The following STIL variants were observed in gnomAD, a reference collection of about 807,000 sequenced individuals.
The protein encoded by STIL is SCL-interrupting locus protein.
Under a neutral mutation model 110.1 loss-of-function variants are expected in STIL, and 55 were observed. The observed-to-expected ratio is 0.50, with a 90% CI of 0.40 to 0.63. The LOEUF is 0.63. Among genes scored for constraint, STIL ranks in the 20% least tolerant of loss-of-function variants. STIL has a pLI of 0.00. For missense variants in STIL, 1,358 were observed against 1,530.0 expected, an observed-to-expected ratio of 0.89 and a Z score of 1.87; for synonymous variants, 481 against 530.0, an observed-to-expected ratio of 0.91 and a Z score of 1.27.
In STIL at chr1:47,312,180, GA is replaced by G. The variant is rs377122328; in HGVS notation, c.-43-1819del. Among the ~76,000 whole-genome samples the G allele has an allele frequency of 6.7e-3, 1,016 of 152,162 alleles. 12 individuals carry two copies. Among genetic ancestry groups the G allele is most frequent in the African/African-American group, 0.022 (933 of 41,510 alleles). On this transcript the variant is annotated intron_variant, in intron 1 of 16. Coordinates refer to ENST00000371877, the MANE Select transcript of STIL (RefSeq NM_001048166.1). The stretch of plus-strand genomic sequence containing the variant: ...GCTCTTATACCTTGTTCAAGACAGA[GA>G]AAAACGTGCTTCTAATAAAATTGAC...
rs755958066 is a variant in STIL at position 47,269,822 on chromosome 1, C to T, written c.2428G>A (p.Asp810Asn). 51 of 1,614,084 alleles carry T rather than the reference C, an allele frequency of 3.2e-5. No homozygotes were observed. The South Asian group carries it at 5.2e-4, about 16-fold the overall frequency. ...GTATCATCTTGCTTCATTTGAGAGTCAGGCTCTTGATCCTCACCTGCTGCA... is the reference window on the plus strand; with the variant it reads ...GTATCATCTTGCTTCATTTGAGAGTTAGGCTCTTGATCCTCACCTGCTGCA... The part of the protein sequence containing the change: ...WNAAGEDQEP[D>N]SQMKQDDTKI... The change falls in exon 14 of 17, where the codon GAC (aspartate) becomes AAC (asparagine). Residue 810 changes from aspartate (D) to asparagine (N), a missense_variant. By Grantham distance (23) the Asp-to-Asn change is conservative (BLOSUM62 1). Transcript: ENST00000371877.
chr1:47,303,054 A>G (rs572543482), intron 3 of STIL, among the ~76,000 whole-genome samples: 2 of 152,322 alleles, frequency 1.3e-5, no homozygotes, highest in East Asian at 3.9e-4. Flanking sequence ...AAACCAAAAT[A>G]TAAGCCAGGA....
At chr1:47,292,676 C>G (rs1481743585) in intron 8 of STIL, among the ~76,000 whole-genome samples, 1 of 152,094 alleles carries the variant, frequency 6.6e-6, no homozygotes, top group African/African-American at 2.4e-5. Context: ...TGATACTTGT[C>G]TATGTTGAGT....
chr1:47,265,252 A>AAAAAAAAAAAC (rs1553170570), intron 14 of STIL, among the ~76,000 whole-genome samples: 6 of 150,484 alleles, frequency 4.0e-5, no homozygotes, highest in African/African-American at 1.5e-4. Flanking sequence ...AAAAAAAAAA[A>AAAAAAAAAAAC]AAAAAAAACA....
At chr1:47,257,478 G>T (rs1256145282) in intron 16 of STIL, among the ~76,000 whole-genome samples, 2 of 152,070 alleles carry the variant, frequency 1.3e-5, no homozygotes, top group Non-Finnish European at 2.9e-5. Context: ...TGGGTGACAG[G>T]CCTGGGTGAC....
At chr1:47,294,331 A>G (rs1381994177) in intron 7 of STIL, among the ~76,000 whole-genome samples, 1 of 152,234 alleles carries the variant, frequency 6.6e-6, no homozygotes, top group Non-Finnish European at 1.5e-5. Context: ...TTATCACCTC[A>G]CTTTGATTTT....
rs1302496811 is a variant in STIL at position 47,262,949 on chromosome 1, A to C, written c.2783T>G (p.Leu928Trp). ...CTGGTTATCTGATGGTTGATGAAGC[A>C]AGGGTTGCATTACATGCTCAATTTT... ...EPKIEHVMQP[L>W]LHQPSDNQKI... The change falls in exon 15 of 17, where the codon TTG becomes TGG. Residue 928 changes from leucine (L) to tryptophan (W), a missense_variant. By Grantham distance (61) the Leu-to-Trp change is moderately conservative. Coordinates refer to ENST00000371877, the MANE Select transcript of STIL (RefSeq NM_001048166.1). The C allele has an allele frequency of 6.2e-7, 1 of 1,614,174 alleles. No individual in the cohort carries two copies. Among genetic ancestry groups the C allele is most frequent in the East Asian group, 2.2e-5 (1 of 44,876 alleles).
rs183396126 is a variant in STIL at position 47,292,614 on chromosome 1, C to A, written c.872+844G>T. Reference sequence around the variant, plus strand: ...GTATAATTTATACAGAAAAAAGCAACATAAAGAAAAGAAAGGATGCTATGG... The same window carrying A: ...GTATAATTTATACAGAAAAAAGCAAAATAAAGAAAAGAAAGGATGCTATGG... On this transcript the variant is annotated intron_variant, in intron 8 of 16. Coordinates refer to ENST00000371877, the MANE Select transcript of STIL (RefSeq NM_001048166.1). 3.3e-5 allele frequency among the ~76,000 whole-genome samples: 5 copies of A among 152,092 alleles called. No individual in the cohort carries two copies. In the East Asian group the frequency reaches 9.6e-4, roughly 29 times the overall value.
rs1220659882 is a variant in STIL at position 47,302,342 on chromosome 1, G to C, written c.157C>G (p.Pro53Ala). ...IYLHLSYYRN[P>A]KLVVTEKTIR... ...GTCTTCTCAGTCACCACAAGCTTTG[G>C]ATTTCTGAAAAACAACAAGTCTTTT... The change falls in exon 4 of 17, where the codon CCA becomes GCA. Residue 53 changes from proline (P) to alanine (A), a missense_variant. Pro to Ala is a conservative substitution (Grantham distance 27). Coordinates refer to ENST00000371877, the MANE Select transcript of STIL (RefSeq NM_001048166.1). The C allele has an allele frequency of 1.9e-6, 3 of 1,613,376 alleles. No individual in the cohort carries two copies. The highest frequency in any genetic ancestry group is 2.5e-6 in the Non-Finnish European group (3 of 1,179,418).
chr1:47,270,528 T>C (rs1032455332), intron 13 of STIL, among the ~76,000 whole-genome samples: 4 of 151,964 alleles, frequency 2.6e-5, no homozygotes, highest in Middle Eastern at 3.4e-3. Flanking sequence ...TAATATGAGA[T>C]AATATATAAA....
At chr1:47,302,697 C>T (rs184064508) in intron 3 of STIL, among the ~76,000 whole-genome samples, 8 of 152,296 alleles carry the variant, frequency 5.3e-5, no homozygotes, top group African/African-American at 1.9e-4. Flanking sequence ...GTAGTGCCCC[C>T]TTATCTCTGG....
chr1:47,312,504 A>C (rs895517617), intron 1 of STIL, among the ~76,000 whole-genome samples: 1 of 152,226 alleles, frequency 6.6e-6, no homozygotes, highest in Admixed American at 6.5e-5. Flanking sequence ...TCTGGACTTA[A>C]AAGGTTTAAT....
chr1:47,261,289 G>A (rs1455271328), intron 15 of STIL, among the ~76,000 whole-genome samples: 1 of 151,760 alleles, frequency 6.6e-6, no homozygotes, highest in Admixed American at 6.6e-5. Flanking sequence ...TTGGGAGGCT[G>A]AGGCATGAGA....
intron 12 of STIL, among the ~76,000 whole-genome samples, chr1:47,272,896 C>T (rs1375649022): frequency 6.6e-6 from 1 of 152,070 alleles, no homozygotes; most frequent in Non-Finnish European, 1.5e-5. Context: ...CTGAACATAT[C>T]ACACAAGATT....
intron 14 of STIL, among the ~76,000 whole-genome samples, chr1:47,266,389 A>G (rs942814607): frequency 2.0e-5 from 3 of 152,042 alleles, no homozygotes; most frequent in East Asian, 1.9e-4. Flanking sequence ...ATGGAGTCTC[A>G]CTCTGTTATT....
chr1:47,270,247 T>A (rs1393203524), intron 13 of STIL, among the ~76,000 whole-genome samples: 1 of 97,784 alleles, frequency 1.0e-5, no homozygotes, highest in African/African-American at 4.4e-5. Context: ...AAAAAATATA[T>A]ATATATATAC....
intron 16 of STIL, among the ~76,000 whole-genome samples, chr1:47,255,425 G>T (rs966156582): frequency 2.6e-5 from 4 of 152,018 alleles, no homozygotes; most frequent in African/African-American, 9.7e-5. Context: ...CTGCACACCT[G>T]TAGTCCCAGC....
chr1:47,289,701 G>C (rs1202027952), intron 8 of STIL, 116 bp from the exon 9 acceptor site: 1 of 1,044,208 alleles, frequency 9.6e-7, no homozygotes, highest in Non-Finnish European at 1.4e-6. Context: ...TGCAATTTTT[G>C]TTCAAAAACT....
At chr1:47,260,585 T>C (rs778548961) in intron 15 of STIL, 46 bp from the exon 16 acceptor site, 21 of 1,592,802 alleles carry the variant, frequency 1.3e-5, no homozygotes, top group South Asian at 1.2e-4. Flanking sequence ...CTATTAACAA[T>C]GTTAGGGCTG....
Sources: gnomAD v4.1 joint callset for allele counts (sites outside exome capture counted in the v4.1 genomes callset) on GRCh38, gnomAD v4.1.1 for gene constraint, MANE v1.5 for transcripts, NCBI Gene and HGNC (gene_info 2026-07-23, HGNC 2026-07-21) for gene names.